The following NSMCE4A variants were observed in gnomAD, a reference collection of about 807,000 sequenced individuals.
NSMCE4A encodes the protein NSE4A component of SMC5/6 complex, also known as non-structural maintenance of chromosomes element 4 homolog A.
NSMCE4A carries 40 observed loss-of-function variants against 47.9 expected under a neutral mutation model. The observed-to-expected ratio is 0.83, with a 90% CI of 0.65 to 1.09. NSMCE4A has a LOEUF of 1.09. NSMCE4A is among the 50% of genes least tolerant of loss of function. The probability of loss-of-function intolerance (pLI) is 0.00; values close to 1 mark genes in which losing one functional copy is unlikely to be tolerated. For missense variants in NSMCE4A, 500 were observed against 507.0 expected, an observed-to-expected ratio of 0.99 and a Z score of 0.13; for synonymous variants, 166 against 178.5, an observed-to-expected ratio of 0.93 and a Z score of 0.56.
chr10:121,962,418 CAA>C (rs781536528), intron 6 of NSMCE4A, among the ~76,000 whole-genome samples: 15 of 78,416 alleles, frequency 1.9e-4, no homozygotes, highest in East Asian at 7.7e-4. Context: ...GACTCTGTCT[CAA>C]AAAAAAAAAA....
Position 121,975,135 on chromosome 10 carries a change from C to T in NSMCE4A, c.31G>A (p.Glu11Lys). Residue 11 changes from glutamate (E) to lysine (K), a missense_variant, in exon 1 of 11, where the codon GAG (glutamate) becomes AAG (lysine). Glu to Lys is a moderately conservative substitution (Grantham distance 56, BLOSUM62 1). Coordinates refer to ENST00000369023, the MANE Select transcript of NSMCE4A (RefSeq NM_017615.3). Reference sequence around the variant, plus strand: ...GGGTCGCGGCCCCGGCCCCGGCCCTCTGGCCCGCGGCCGCTGCTGTCCCCA... The same window carrying T: ...GGGTCGCGGCCCCGGCCCCGGCCCTTTGGCCCGCGGCCGCTGCTGTCCCCA... MSGDSSGRGP[E>K]GRGRGRDPHR... 2.1e-6 allele frequency: 3 copies of T among 1,411,904 alleles called. No individual in the cohort carries two copies. Among genetic ancestry groups the T allele is most frequent in the Non-Finnish European group, 2.7e-6 (3 of 1,095,052 alleles). 87.5% of individuals were successfully genotyped at this position (1,411,904 alleles called of 1,614,324 possible). A position where few individuals can be genotyped will look rare whatever the true frequency, so the allele number is the denominator to read the frequency against.
At chr10:121,962,643 G>A (rs12416373) in intron 6 of NSMCE4A, among the ~76,000 whole-genome samples, 98,262 of 151,014 alleles carry the variant, frequency 0.65, 33,140 homozygotes, top group Non-Finnish European at 0.74. Context: ...ATGTAGTTTC[G>A]CTCTTGTTGC....
At position 121,974,206 on chromosome 10, in the gene NSMCE4A, C is replaced by T. The variant is rs551605287; in HGVS notation, c.293-125G>A. The T allele has an allele frequency of 1.5e-4, 208 of 1,372,746 alleles. 2 individuals carry two copies. In the South Asian group the frequency reaches 2.5e-3, roughly 17 times the overall value. 85.0% of individuals were successfully genotyped at this position (1,372,746 alleles called of 1,614,324 possible). A position where few individuals can be genotyped will look rare whatever the true frequency, so the allele number is the denominator to read the frequency against. ...CTGCGCTCTGAGTAATTACTTCGAACATCTTTATCTTTTTAACCAAAATGA... is the reference window on the plus strand; with the variant it reads ...CTGCGCTCTGAGTAATTACTTCGAATATCTTTATCTTTTTAACCAAAATGA... On this transcript the variant is annotated intron_variant, in intron 1 of 10. Coordinates refer to ENST00000369023, the MANE Select transcript of NSMCE4A (RefSeq NM_017615.3).
In NSMCE4A at chr10:121,975,151, G is replaced by A. The variant is rs911208570; in HGVS notation, c.15C>T (p.Ser5=). ...CCCGGCCCTCTGGCCCGCGGCCGCT[G>A]CTGTCCCCAGACATAGCGCCAATTC... The part of the protein sequence containing the change: MSGD[S]SGRGPEGRGR... Residue 5 remains serine, a synonymous_variant, in exon 1 of 11, where the codon AGC becomes AGT. Coordinates refer to ENST00000369023, the MANE Select transcript of NSMCE4A (RefSeq NM_017615.3). 2.9e-6 allele frequency: 4 copies of A among 1,402,048 alleles called. No homozygotes were observed. Among genetic ancestry groups the A allele is most frequent in the Non-Finnish European group, 2.8e-6 (3 of 1,090,048 alleles). 86.9% of individuals were successfully genotyped at this position (1,402,048 alleles called of 1,614,324 possible).
intron 4 of NSMCE4A, chr10:121,965,633 C>A: frequency 2.5e-6 from 1 of 405,310 alleles, no homozygotes; most frequent in Non-Finnish European, 4.4e-6. Flanking sequence ...TACATACTGC[C>A]CTGTAAAGTA....
chr10:121,959,930 A>G lies in NSMCE4A; in HGVS notation c.989-335T>C. ...AAAGTAGCAAGTAAGTGCGATGGAA[A>G]TATTCACTCTCCACAGGAGACCTTA... is the stretch of plus-strand genomic sequence containing the variant. On this transcript the variant is annotated intron_variant, in intron 8 of 10. Transcript: ENST00000369023. The G allele has an allele frequency of 8.4e-6, 3 of 356,612 alleles. No homozygotes were observed. In the South Asian group the frequency reaches 1.1e-4, roughly 13 times the overall value. The allele number at this position is 356,612 out of a possible 1,614,324, so 22.1% of individuals were successfully genotyped here.
chr10:121,973,827 C>G (rs1456453281), intron 2 of NSMCE4A, among the ~76,000 whole-genome samples, 177 bp downstream of exon 2: 8 of 152,124 alleles, frequency 5.3e-5, no homozygotes, highest in African/African-American at 1.9e-4. Flanking sequence ...ATGTAAAGCC[C>G]TTATTATATG....
At chr10:121,974,194 A>T in intron 1 of NSMCE4A, 113 bp from the exon 2 acceptor site, 1 of 1,346,886 alleles carries the variant, frequency 7.4e-7, no homozygotes, top group Admixed American at 2.5e-5. Flanking sequence ...CGCTCTGAGT[A>T]ATTACTTCGA....
intron 10 of NSMCE4A, among the ~76,000 whole-genome samples, chr10:121,958,731 T>G (rs1188991324): frequency 1.9e-4 from 29 of 152,116 alleles, no homozygotes; most frequent in Non-Finnish European, 2.4e-4. Context: ...GGCAACATAG[T>G]GAGACCCCTT....
intron 8 of NSMCE4A, chr10:121,959,904 G>T (rs1389723118): frequency 5.2e-6 from 2 of 386,626 alleles, no homozygotes; most frequent in Non-Finnish European, 9.3e-6. Context: ...TGAGAACATT[G>T]AAAGTAGCAA....
At chr10:121,964,680 T>C (rs910906077) in intron 5 of NSMCE4A, among the ~76,000 whole-genome samples, 4 of 152,144 alleles carry the variant, frequency 2.6e-5, no homozygotes, top group African/African-American at 9.7e-5. Context: ...GACCTTGTGA[T>C]CTGCCCGCCT....
chr10:121,961,663 G>A (rs1313044667), intron 6 of NSMCE4A, 146 bp from the exon 7 acceptor site: 2 of 518,244 alleles, frequency 3.9e-6, no homozygotes, highest in African/African-American at 2.0e-5. Context: ...AGGCCAATTT[G>A]GCATCTCTAC....
At chr10:121,970,077 TC>T (rs1302231353) in intron 3 of NSMCE4A, among the ~76,000 whole-genome samples, 1 of 152,218 alleles carries the variant, frequency 6.6e-6, no homozygotes, top group African/African-American at 2.4e-5. Flanking sequence ...GTGTGCTTTT[TC>T]TTTTTTGGTA....
At chr10:121,966,165 G>A (rs1282167461) in intron 4 of NSMCE4A, 1 of 152,216 alleles carries the variant, frequency 6.6e-6, no homozygotes, top group Non-Finnish European at 1.5e-5. Context: ...AGTGCTATGA[G>A]AACACTTGGG....
chr10:121,959,907 A>T (rs916028873), intron 8 of NSMCE4A: 1 of 382,968 alleles, frequency 2.6e-6, no homozygotes, highest in South Asian at 3.3e-5. Context: ...GAACATTGAA[A>T]GTAGCAAGTA....
At chr10:121,972,487 C>A (rs1315078236) in intron 2 of NSMCE4A, among the ~76,000 whole-genome samples, 2 of 152,106 alleles carry the variant, frequency 1.3e-5, no homozygotes, top group Admixed American at 6.6e-5. Flanking sequence ...CAAACTGAGA[C>A]CATCAAATCC....
intron 2 of NSMCE4A, among the ~76,000 whole-genome samples, chr10:121,971,320 C>G (rs1231714738): frequency 6.6e-6 from 1 of 152,094 alleles, no homozygotes; most frequent in Non-Finnish European, 1.5e-5. Flanking sequence ...ACCATCCTGG[C>G]TAACACGGTG....
chr10:121,960,965 C>G lies in NSMCE4A; in HGVS notation c.939+458G>C, dbSNP rs1952486058. Among the ~76,000 whole-genome samples, 1 of 152,130 alleles carries G rather than the reference C, an allele frequency of 6.6e-6. No individual in the cohort carries two copies. Among genetic ancestry groups the G allele is most frequent in the Admixed American group, 6.6e-5 (1 of 15,252 alleles). On this transcript the variant is annotated intron_variant, in intron 7 of 10. Coordinates refer to ENST00000369023, the MANE Select transcript of NSMCE4A (RefSeq NM_017615.3). This position sits in a 1 kb window ranked among gnomAD's most constrained non-coding sequence, Gnocchi z 4.2. ...CTACTATAAACACGTGGCATATATC[C>G]TTTACCCATATTCATCAGTCGTTAA...
intron 10 of NSMCE4A, among the ~76,000 whole-genome samples, chr10:121,958,878 C>T (rs1034311924): frequency 1.3e-5 from 2 of 149,266 alleles, no homozygotes; most frequent in Admixed American, 6.9e-5. Flanking sequence ...TGCAGTGGCA[C>T]GATCTCAGCC....
Sources: allele counts gnomAD v4.1 joint callset (sites outside exome capture counted in the v4.1 genomes callset), GRCh38; gene constraint gnomAD v4.1.1; non-coding constraint Gnocchi (gnomAD v3.1); transcripts MANE v1.5; gene names NCBI Gene and HGNC (gene_info 2026-07-23, HGNC 2026-07-21).